TMCO5A: variants seen among roughly 807,000 people sequenced by gnomAD.
The protein encoded by TMCO5A is transmembrane and coiled-coil domains 5A.
Under a neutral mutation model 42.3 loss-of-function variants are expected in TMCO5A, and 34 were observed. That is an observed-to-expected ratio of 0.80 (90% CI 0.61 to 1.07). The LOEUF (loss-of-function observed/expected upper bound fraction) is 1.07. Among genes scored for constraint, TMCO5A ranks in the 50% least tolerant of loss-of-function variants. TMCO5A has a pLI of 0.00. For missense variants in TMCO5A, 357 were observed against 327.9 expected (o/e 1.09, Z -0.69); for synonymous variants, 131 against 115.6 (o/e 1.13, Z -0.86).
At chr15:37,970,240 C>A (rs1220657940), downstream of TMCO5A, among the ~76,000 whole-genome samples, 1 of 152,188 alleles carries the variant, frequency 6.6e-6, no homozygotes, top group Admixed American at 6.5e-5. Context: ...CTAGGGAGGC[C>A]TCACAATCAT....
At chr15:37,943,538 G>T in intron 10 of TMCO5A, 140 bp downstream of exon 10, 1 of 705,506 alleles carries the variant, frequency 1.4e-6, no homozygotes, top group Non-Finnish European at 2.3e-6. Flanking sequence ...TAATTACAGA[G>T]CATTCCAACC....
intron 11 of TMCO5A, among the ~76,000 whole-genome samples, chr15:37,950,758 C>G (rs1225268267): frequency 1.3e-5 from 2 of 151,984 alleles, no homozygotes; most frequent in African/African-American, 4.8e-5. Context: ...AAACAACTTG[C>G]CAAAACAAAA....
At chr15:37,936,995 A>G in intron 4 of TMCO5A, 25 bp downstream of exon 4, 1 of 1,610,858 alleles carries the variant, frequency 6.2e-7, no homozygotes, top group Non-Finnish European at 8.5e-7. Context: ...GGGAAGAGCC[A>G]TTTAATAGGT....
At chr15:38,007,885 T>G in the TMCO5A span, among the ~76,000 whole-genome samples, 3 of 77,560 alleles carry the variant, frequency 3.9e-5, no homozygotes, top group African/African-American at 1.5e-4. Context: ...TTTTTTTTTT[T>G]TTTTTTTTTT....
intron 4 of TMCO5A, 21 bp from the exon 5 acceptor site, chr15:37,937,325 A>C (rs1889552184): frequency 6.2e-7 from 1 of 1,612,556 alleles, no homozygotes; most frequent in Non-Finnish European, 8.5e-7. Flanking sequence ...GCAGATTTAC[A>C]CTGTTATTTC....
intron 11 of TMCO5A, among the ~76,000 whole-genome samples, chr15:37,960,355 C>T (rs1324458210): frequency 1.3e-5 from 2 of 151,968 alleles, no homozygotes; most frequent in East Asian, 3.8e-4. Context: ...GCTGCAAATG[C>T]CATTATTTCA....
At chr15:37,976,872 G>A in the TMCO5A span, among the ~76,000 whole-genome samples, 7 of 130,468 alleles carry the variant, frequency 5.4e-5, no homozygotes, top group East Asian at 2.4e-4. Context: ...TACAACCTCC[G>A]CCTCCCAGGT....
At chr15:37,999,835 T>G in the TMCO5A span, among the ~76,000 whole-genome samples, 1 of 152,242 alleles carries the variant, frequency 6.6e-6, no homozygotes, top group Non-Finnish European at 1.5e-5. Flanking sequence ...CTGATTGATT[T>G]GCATATGTTG....
chr15:37,973,116 C>T, the TMCO5A span, among the ~76,000 whole-genome samples: 2 of 150,814 alleles, frequency 1.3e-5, no homozygotes, highest in Non-Finnish European at 3.0e-5. Flanking sequence ...GGGGTGTCTA[C>T]TCTGTTCCAT....
At chr15:37,969,787 G>A (rs1421833672), downstream of TMCO5A, among the ~76,000 whole-genome samples, 4 of 152,080 alleles carry the variant, frequency 2.6e-5, no homozygotes, top group African/African-American at 9.7e-5. Flanking sequence ...GCAGTACTTG[G>A]TTTTCTGTTC....
the TMCO5A span, among the ~76,000 whole-genome samples, chr15:38,019,847 C>A: frequency 4.6e-5 from 7 of 151,562 alleles, no homozygotes; most frequent in Admixed American, 2.6e-4. Flanking sequence ...TCCCTGGCTT[C>A]AAGCAATCCT....
chr15:37,946,311 T>C (rs1889953235), intron 10 of TMCO5A, among the ~76,000 whole-genome samples: 1 of 152,220 alleles, frequency 6.6e-6, no homozygotes, highest in Non-Finnish European at 1.5e-5. Context: ...ACTCTAGCTT[T>C]GTTCTTTTTG....
At chr15:38,016,169 TA>T in the TMCO5A span, among the ~76,000 whole-genome samples, 1 of 152,116 alleles carries the variant, frequency 6.6e-6, no homozygotes. Flanking sequence ...AGGCAGGGGC[TA>T]TATGGGAAAT....
chr15:37,953,852 A>G (rs1253969219), downstream of TMCO5A, among the ~76,000 whole-genome samples: 2 of 152,034 alleles, frequency 1.3e-5, no homozygotes, highest in Non-Finnish European at 2.9e-5. Context: ...GAAAAATTTA[A>G]CAAAGAGATT....
downstream of TMCO5A, among the ~76,000 whole-genome samples, chr15:37,969,716 C>G (rs1183707026): frequency 6.6e-6 from 1 of 152,138 alleles, no homozygotes; most frequent in Non-Finnish European, 1.5e-5. Context: ...CACCTTCCAC[C>G]CTCAAGTACA....
the TMCO5A span, chr15:37,984,875 G>A: frequency 1.3e-5 from 2 of 151,414 alleles, no homozygotes; most frequent in African/African-American, 2.4e-5. Context: ...CCTGTCTATG[G>A]TATTTTGTTA....
downstream of TMCO5A, among the ~76,000 whole-genome samples, chr15:37,972,196 G>A (rs370498770): frequency 9.2e-5 from 14 of 152,120 alleles, no homozygotes; most frequent in South Asian, 2.1e-4. Context: ...ATCTCGCATC[G>A]CAGCAGACAA....
chr15:38,006,549 A>T, the TMCO5A span, among the ~76,000 whole-genome samples: 1 of 152,244 alleles, frequency 6.6e-6, no homozygotes, highest in South Asian at 2.1e-4. Flanking sequence ...GAAAACACAG[A>T]ACATAAGTGA....
chr15:38,035,589 G>A, the TMCO5A span, among the ~76,000 whole-genome samples: 2 of 152,190 alleles, frequency 1.3e-5, no homozygotes, highest in Non-Finnish European at 2.9e-5. Context: ...TATTATGGAG[G>A]CTCCACTGTG....
Sources: gnomAD v4.1 joint callset for allele counts (sites outside exome capture counted in the v4.1 genomes callset) on GRCh38, gnomAD v4.1.1 for gene constraint, MANE v1.5 for transcripts, NCBI Gene and HGNC (gene_info 2026-07-23, HGNC 2026-07-21) for gene names.